Variants in MPRIP observed in about 807,000 individuals in gnomAD.
MPRIP encodes the protein myosin phosphatase Rho interacting protein.
A neutral mutation model predicts 234.9 loss-of-function variants in MPRIP; 59 were observed. The observed-to-expected ratio is 0.25, with a 90% CI of 0.20 to 0.31. The LOEUF is 0.31. Among genes scored for constraint, MPRIP ranks in the 10% least tolerant of loss-of-function variants. MPRIP has a pLI of 1.00. For missense variants in MPRIP, 2,436 were observed against 3,071.0 expected (o/e 0.79, Z 4.89); for synonymous variants, 1,144 against 1,263.9 (o/e 0.91, Z 2.01).
In MPRIP at chr17:17,043,496, C is replaced by A. The variant is rs530604572; in HGVS notation, c.123+525C>A. ...TGTTCTTGAACTTAGTTTGGCAGGC[C>A]GTAGTTTAGCGGGGAGCTGGGACCA... On this transcript the variant is annotated intron_variant, in intron 1 of 23. Coordinates refer to ENST00000651222, the MANE Select transcript of MPRIP (RefSeq NM_001364716.4). 2.6e-4 allele frequency among the ~76,000 whole-genome samples: 39 copies of A among 152,228 alleles called. 1 individual carries two copies. In the South Asian group the frequency reaches 7.7e-3, roughly 30 times the overall value.
rs548478538 is a variant in MPRIP, at chr17:17,101,363, C to T, written c.267+23287C>T. Among the ~76,000 whole-genome samples the T allele has an allele frequency of 5.3e-5, 8 of 152,244 alleles. No individual in the cohort carries two copies. The South Asian group carries it at 6.2e-4, about 12-fold the overall frequency. The stretch of plus-strand genomic sequence containing the variant: ...GGTGGATCACCTGAGGTCAGGAGTT[C>T]GAGACCAGCCTGGCCAACAGGATGA... On this transcript the variant is annotated intron_variant, in intron 3 of 23. Coordinates refer to ENST00000651222, the MANE Select transcript of MPRIP (RefSeq NM_001364716.4).
chr17:17,092,178 G>GT (rs2089734630), intron 3 of MPRIP, among the ~76,000 whole-genome samples: 1 of 152,244 alleles, frequency 6.6e-6, no homozygotes, highest in Non-Finnish European at 1.5e-5. Context: ...GATGGGTGGT[G>GT]TAAGCCCTAC....
At chr17:17,073,782 C>G (rs1597754862) in intron 1 of MPRIP, among the ~76,000 whole-genome samples, 1 of 152,166 alleles carries the variant, frequency 6.6e-6, no homozygotes, top group Admixed American at 6.5e-5. Context: ...AGCTGGAGTT[C>G]GTAGAGAGCA....
chr17:17,115,415 G>A (rs896533324), intron 3 of MPRIP, among the ~76,000 whole-genome samples: 1 of 152,216 alleles, frequency 6.6e-6, no homozygotes, highest in Non-Finnish European at 1.5e-5. Context: ...GGGGTGTAGA[G>A]GGCCTTCCAG....
At chr17:17,154,227 C>A in intron 12 of MPRIP, 79 bp from the exon 13 acceptor site, 1 of 1,239,908 alleles carries the variant, frequency 8.1e-7, no homozygotes, top group Non-Finnish European at 1.2e-6. Flanking sequence ...TTACCCAGTG[C>A]AGGGAGCTTC....
chr17:17,060,872 CAATAG>C (rs562681010), intron 1 of MPRIP, among the ~76,000 whole-genome samples: 3 of 152,170 alleles, frequency 2.0e-5, no homozygotes, highest in Non-Finnish European at 4.4e-5. Context: ...GGCTGTAGAG[CAATAG>C]AACAGTATTC....
At chr17:17,048,934 A>G (rs1419051763) in intron 1 of MPRIP, among the ~76,000 whole-genome samples, 1 of 152,262 alleles carries the variant, frequency 6.6e-6, no homozygotes, top group African/African-American at 2.4e-5. Context: ...CAACAATCCA[A>G]GTGTCCATCC....
At position 17,131,715 on chromosome 17, in the gene MPRIP, T is replaced by TCCCCTACCCAG; in HGVS notation, c.504+14_504+15insCCCCTACCCAG. ...CCCACACCACAGGTAGGCAGTGGGT[T>TCCCCTACCCAG]TGCCAGATGGCATCCCCTCAGTGGA... On this transcript the variant is annotated intron_variant, in intron 5 of 23. Coordinates refer to ENST00000651222, the MANE Select transcript of MPRIP (RefSeq NM_001364716.4). 1 of 1,612,796 alleles carries TCCCCTACCCAG rather than the reference T, an allele frequency of 6.2e-7. No homozygotes were observed. Among genetic ancestry groups the TCCCCTACCCAG allele is most frequent in the Non-Finnish European group, 8.5e-7 (1 of 1,178,802 alleles).
At chr17:17,122,349 T>A (rs1194565597) in intron 3 of MPRIP, among the ~76,000 whole-genome samples, 1 of 143,924 alleles carries the variant, frequency 6.9e-6, no homozygotes, top group Non-Finnish European at 1.5e-5. Context: ...TTTTGTTTAT[T>A]TGTTTTGTTT....
chr17:17,064,032 T>C (rs1247116931), intron 1 of MPRIP, among the ~76,000 whole-genome samples: 1 of 152,094 alleles, frequency 6.6e-6, no homozygotes, highest in Non-Finnish European at 1.5e-5. Flanking sequence ...AGAAGGGATG[T>C]GGGTGGCCTC....
chr17:17,084,275 C>G (rs1293251306), intron 3 of MPRIP, among the ~76,000 whole-genome samples: 2 of 152,226 alleles, frequency 1.3e-5, no homozygotes, highest in African/African-American at 4.8e-5. Flanking sequence ...GACTAAATCC[C>G]TAGCAGAACC....
rs951093146 is a variant in MPRIP at position 17,138,884 on chromosome 17, C to T, written c.1250+455C>T. Among the ~76,000 whole-genome samples, 2 of 152,212 alleles carry T rather than the reference C, an allele frequency of 1.3e-5. No homozygotes were observed. The highest frequency in any genetic ancestry group is 4.8e-5 in the African/African-American group (2 of 41,456). ...ACTGAGAGGTTCAGAGGCAGACAGG[C>T]ATGCCCAGGAAGGTGGGGGCAGCAC... On this transcript the variant is annotated intron_variant, in intron 7 of 23. Transcript: ENST00000651222. This position sits in a 1 kb window ranked among gnomAD's most constrained non-coding sequence, Gnocchi z 5.8.
At chr17:17,108,193 G>A (rs990433904) in intron 3 of MPRIP, among the ~76,000 whole-genome samples, 1 of 152,146 alleles carries the variant, frequency 6.6e-6, no homozygotes, top group Non-Finnish European at 1.5e-5. Flanking sequence ...AATCATAATC[G>A]CAGCTCCAGC....
At chr17:17,094,344 G>A (rs1447553350) in intron 3 of MPRIP, among the ~76,000 whole-genome samples, 2 of 152,080 alleles carry the variant, frequency 1.3e-5, no homozygotes, top group African/African-American at 2.4e-5. Flanking sequence ...TTTATCATTG[G>A]TATTGAGAAG....
chr17:17,139,613 C>T (rs774179037), intron 7 of MPRIP, among the ~76,000 whole-genome samples: 11 of 152,194 alleles, frequency 7.2e-5, no homozygotes, highest in East Asian at 5.8e-4. Context: ...TCCCGTGCCT[C>T]GAAGGGCAGG....
At position 17,074,033 on chromosome 17, in the gene MPRIP, G is replaced by T. The variant is rs1453090103; in HGVS notation, c.124-1677G>T. ...TGCAGGCGGAAGCCAAGTAAAGGGGGGTTCTTGGTTCAGCCTGGAGGCTGT... is the reference window on the plus strand; with the variant it reads ...TGCAGGCGGAAGCCAAGTAAAGGGGTGTTCTTGGTTCAGCCTGGAGGCTGT... On this transcript the variant is annotated intron_variant, in intron 1 of 23. Transcript: ENST00000651222. Among the ~76,000 whole-genome samples, 3 of 152,324 alleles carry T rather than the reference G, an allele frequency of 2.0e-5. No homozygotes were observed. The East Asian group carries it at 5.8e-4, about 29-fold the overall frequency.
intron 12 of MPRIP, among the ~76,000 whole-genome samples, chr17:17,151,041 T>TATTATTATTATTATCATC (rs1163474661): frequency 8.7e-5 from 13 of 149,984 alleles, no homozygotes; most frequent in African/African-American, 3.2e-4. Flanking sequence ...TTATTATTAT[T>TATTATTATTATTATCATC]ATCATTATTT....
chr17:17,137,928 T>C lies in MPRIP; in HGVS notation c.749T>C (p.Met250Thr), dbSNP rs891443805. Reference sequence around the variant, plus strand: ...CTGTCTCTTCCAGAGGAGAGCGCCATGAGTAGCGACCGCATGGACTGTGGC... The same window carrying C: ...CTGTCTCTTCCAGAGGAGAGCGCCACGAGTAGCGACCGCATGGACTGTGGC... ...GLESKEEESAMSSDRMDCGRK... is the reference protein window; with the variant it reads ...GLESKEEESATSSDRMDCGRK... The change falls in exon 7 of 24, where the codon ATG becomes ACG. Residue 250 changes from methionine (M) to threonine (T), a missense_variant. Around this residue, in one of 4 missense-constraint regions of MPRIP, gnomAD observed 267 missense variants for 252.7 expected, o/e 1.06. Coordinates refer to ENST00000651222, the MANE Select transcript of MPRIP (RefSeq NM_001364716.4). The C allele has an allele frequency of 1.9e-6, 3 of 1,605,960 alleles. No homozygotes were observed. Among genetic ancestry groups the C allele is most frequent in the African/African-American group, 2.7e-5 (2 of 74,378 alleles).
At chr17:17,096,507 G>A (rs1490468267) in intron 3 of MPRIP, among the ~76,000 whole-genome samples, 2 of 152,266 alleles carry the variant, frequency 1.3e-5, no homozygotes, top group East Asian at 3.9e-4. Flanking sequence ...AAACCCAAGG[G>A]TTAATGATGA....
Sources: allele counts gnomAD v4.1 joint callset (sites outside exome capture counted in the v4.1 genomes callset), GRCh38; gene constraint gnomAD v4.1.1; regional missense constraint gnomAD v4.1.1; non-coding constraint Gnocchi (gnomAD v3.1); transcripts MANE v1.5; gene names NCBI Gene and HGNC (gene_info 2026-07-23, HGNC 2026-07-21).